ESR1: variants seen among roughly 807,000 people sequenced by gnomAD.
ESR1 encodes the protein estrogen receptor 1, also known as estrogen receptor.
ESR1 carries 12 observed loss-of-function variants against 52.7 expected under a neutral mutation model. The observed-to-expected ratio is 0.23, with a 90% CI of 0.15 to 0.37. The LOEUF (loss-of-function observed/expected upper bound fraction) is 0.37. Ranked by LOEUF, ESR1 falls within the 10% of genes least tolerant of loss-of-function variation. The pLI is 1.00. For synonymous variants in ESR1, 305 were observed against 316.8 expected (o/e 0.96, Z 0.39); for missense variants, 584 against 779.7 (o/e 0.75, Z 2.99).
chr6:151,745,544 T>G (rs1783420161), intron 2 of ESR1, among the ~76,000 whole-genome samples: 1 of 152,170 alleles, frequency 6.6e-6, no homozygotes, highest in Non-Finnish European at 1.5e-5. Context: ...ATATATCATA[T>G]AATCATAATC....
chr6:151,779,091 A>C (rs559720863), intron 2 of ESR1, among the ~76,000 whole-genome samples: 2 of 152,180 alleles, frequency 1.3e-5, no homozygotes, highest in South Asian at 4.1e-4. Context: ...GAAGCTCTTT[A>C]GTTTAATTAG....
intron 4 of ESR1, among the ~76,000 whole-genome samples, chr6:151,962,446 T>A (rs913464167): frequency 2.6e-5 from 4 of 152,172 alleles, no homozygotes; most frequent in African/African-American, 9.7e-5. Flanking sequence ...ACCTCAGCCA[T>A]CTACACATAT....
rs1373187492 is a variant in ESR1, at chr6:152,069,487, G to A, written c.1369+8363G>A. ...GGGCTACGTGACTTTGAAGTGTTAA[G>A]TGGCTGTCAGAAAGTGAGCTATTGC... On this transcript the variant is annotated intron_variant, in intron 6 of 7. Coordinates refer to ENST00000206249, the MANE Select transcript of ESR1 (RefSeq NM_000125.4). Among the ~76,000 whole-genome samples the A allele has an allele frequency of 2.9e-5, 4 of 136,602 alleles. 2 individuals are homozygous for A. The highest frequency in any genetic ancestry group is 1.3e-4 in the African/African-American group (4 of 30,602). The allele number at this position is 136,602 out of a possible 152,430, so 89.6% of individuals were successfully genotyped here.
chr6:151,666,289 T>C (rs377261354), intron 1 of ESR1, among the ~76,000 whole-genome samples: 3 of 152,242 alleles, frequency 2.0e-5, no homozygotes, highest in East Asian at 3.9e-4. Flanking sequence ...AGTTGTGTGG[T>C]TGGTGTGGAG....
intron 6 of ESR1, among the ~76,000 whole-genome samples, chr6:152,109,494 C>T (rs1350875546): frequency 4.0e-5 from 6 of 150,502 alleles, no homozygotes; most frequent in East Asian, 1.9e-4. Flanking sequence ...GGAGAAACTC[C>T]GTCTCTACCA....
At chr6:152,017,078 C>T (rs958225714) in intron 5 of ESR1, among the ~76,000 whole-genome samples, 1 of 152,094 alleles carries the variant, frequency 6.6e-6, no homozygotes, top group Non-Finnish European at 1.5e-5. Flanking sequence ...TAGAACTTAC[C>T]CTAGTCTTTT....
At chr6:151,727,549 A>T (rs1781936986) in intron 2 of ESR1, among the ~76,000 whole-genome samples, 1 of 152,226 alleles carries the variant, frequency 6.6e-6, no homozygotes, top group Non-Finnish European at 1.5e-5. Context: ...AACTAAATCC[A>T]ACTTGATTAT....
At chr6:151,904,294 A>G (rs1227740580) in intron 3 of ESR1, among the ~76,000 whole-genome samples, 1 of 152,192 alleles carries the variant, frequency 6.6e-6, no homozygotes, top group Middle Eastern at 3.2e-3. Context: ...ATTAAGTCAA[A>G]GTAAGATTCC....
intron 4 of ESR1, among the ~76,000 whole-genome samples, chr6:151,997,554 G>A (rs2041602686): frequency 1.3e-5 from 2 of 152,112 alleles, no homozygotes; most frequent in African/African-American, 4.8e-5. Flanking sequence ...CATTATGACT[G>A]CTAATATGGA....
At chr6:151,839,772 A>C (rs1182713562) in intron 1 of ESR1, among the ~76,000 whole-genome samples, 5 of 152,142 alleles carry the variant, frequency 3.3e-5, no homozygotes, top group Non-Finnish European at 7.4e-5. Flanking sequence ...AGAGAACAAA[A>C]GTAGATTGGT....
intron 1 of ESR1, chr6:151,701,845 C>T (rs774159671): frequency 6.6e-6 from 1 of 152,132 alleles, no homozygotes; most frequent in Non-Finnish European, 1.5e-5. Flanking sequence ...ACCCACATCT[C>T]CCTTTCCTTC....
chr6:151,978,377 A>T (rs539423922), intron 4 of ESR1, among the ~76,000 whole-genome samples: 83 of 152,280 alleles, frequency 5.5e-4, no homozygotes, highest in African/African-American at 1.6e-3. Context: ...AGACATGGAG[A>T]ACAGTGTACG....
intron 4 of ESR1, among the ~76,000 whole-genome samples, chr6:151,964,913 A>G (rs2038103364): frequency 6.6e-6 from 1 of 152,158 alleles, no homozygotes; most frequent in African/African-American, 2.4e-5. Flanking sequence ...AAGTGCTGGG[A>G]TTACAGGCAT....
At chr6:151,730,239 C>T (rs1160259329) in intron 2 of ESR1, among the ~76,000 whole-genome samples, 1 of 152,196 alleles carries the variant, frequency 6.6e-6, no homozygotes, top group Non-Finnish European at 1.5e-5. Flanking sequence ...GCCTTCGACC[C>T]CCCGGGGCTG....
intron 2 of ESR1, among the ~76,000 whole-genome samples, chr6:151,744,048 T>G (rs947304463): frequency 1.3e-5 from 2 of 152,228 alleles, no homozygotes; most frequent in Non-Finnish European, 2.9e-5. Flanking sequence ...CATACTGTTT[T>G]CGAGGTTCAT....
rs1351143054 is a variant in ESR1 at position 151,808,077 on chromosome 6, C to G, written c.165C>G (p.Pro55=). The G allele has an allele frequency of 1.2e-6, 2 of 1,613,090 alleles. No individual in the cohort carries two copies. Among genetic ancestry groups the G allele is most frequent in the Non-Finnish European group, 8.5e-7 (1 of 1,179,822 alleles). The change falls in exon 1 of 8, where the codon CCC becomes CCG. Residue 55 remains proline (P), a synonymous_variant. Coordinates refer to ENST00000206249, the MANE Select transcript of ESR1 (RefSeq NM_000125.4). ...DSSKPAVYNY[P]EGAAYEFNAA... ...GCAAGCCCGCCGTGTACAACTACCC[C>G]GAGGGCGCCGCCTACGAGTTCAACG...
intron 3 of ESR1, among the ~76,000 whole-genome samples, chr6:151,906,235 C>T (rs1797435319): frequency 6.6e-6 from 1 of 151,968 alleles, no homozygotes; most frequent in Non-Finnish European, 1.5e-5. Flanking sequence ...GTATCTCCAC[C>T]CCACCTTGTA....
intron 2 of ESR1, among the ~76,000 whole-genome samples, chr6:151,729,943 A>G (rs1352663386): frequency 6.6e-6 from 1 of 152,126 alleles, no homozygotes; most frequent in African/African-American, 2.4e-5. Context: ...AGAAAAAAGA[A>G]AAAAAGAGCT....
intron 1 of ESR1, among the ~76,000 whole-genome samples, chr6:151,684,352 C>T (rs549537444): frequency 9.9e-5 from 15 of 152,180 alleles, no homozygotes; most frequent in East Asian, 1.9e-4. Flanking sequence ...TGGCTGGAGA[C>T]GGGTGATCAG....
Sources: allele counts gnomAD v4.1 joint callset (sites outside exome capture counted in the v4.1 genomes callset), GRCh38; gene constraint gnomAD v4.1.1; transcripts MANE v1.5; gene names NCBI Gene and HGNC (gene_info 2026-07-23, HGNC 2026-07-21).